Variants in CSMD1 observed in about 807,000 individuals in gnomAD.
CSMD1 encodes the protein CUB and Sushi multiple domains 1, also known as CUB and sushi domain-containing protein 1.
In CSMD1, 213 loss-of-function variants were observed where a neutral mutation model predicts 417.5. That is an observed-to-expected ratio of 0.51 (90% CI 0.46 to 0.57). CSMD1 has a LOEUF of 0.57. Ranked by LOEUF, CSMD1 falls within the 20% of genes least tolerant of loss-of-function variation. CSMD1 has a pLI of 0.00. For synonymous variants in CSMD1, 2,862 were observed against 1,736.8 expected (o/e 1.65, Z -16.11); for missense variants, 6,923 against 4,529.7 (o/e 1.53, Z -15.17).
chr8:4,826,580 C>T (rs1036258490), intron 1 of CSMD1, among the ~76,000 whole-genome samples: 1 of 152,068 alleles, frequency 6.6e-6, no homozygotes, highest in Non-Finnish European at 1.5e-5. Context: ...GTTGGGATGT[C>T]CACCTTAAAC....
intron 15 of CSMD1, 80 bp from the exon 16 acceptor site, chr8:3,399,609 A>C (rs1172269210): frequency 9.1e-7 from 1 of 1,099,680 alleles, no homozygotes; most frequent in Non-Finnish European, 1.2e-6. Flanking sequence ...AAAAGCCAGA[A>C]TCTGCTTCTG....
chr8:3,046,173 G>T (rs1456449498), intron 50 of CSMD1, among the ~76,000 whole-genome samples: 2 of 152,204 alleles, frequency 1.3e-5, no homozygotes, highest in Non-Finnish European at 2.9e-5. Flanking sequence ...CACAAAGTCA[G>T]TCTGGCTGTT....
chr8:4,041,957 T>C (rs1368167370), intron 3 of CSMD1, among the ~76,000 whole-genome samples: 1 of 151,796 alleles, frequency 6.6e-6, no homozygotes, highest in Non-Finnish European at 1.5e-5. Flanking sequence ...GTATTTAAAA[T>C]GAAACATAAA....
intron 10 of CSMD1, among the ~76,000 whole-genome samples, chr8:3,546,245 G>A (rs1165627261): frequency 2.7e-5 from 4 of 150,132 alleles, no homozygotes; most frequent in Non-Finnish European, 2.9e-5. Flanking sequence ...CTCAATGGCT[G>A]GCCACGTGAA....
intron 6 of CSMD1, among the ~76,000 whole-genome samples, chr8:3,710,853 A>C (rs1392646851): frequency 1.3e-5 from 2 of 152,110 alleles, no homozygotes; most frequent in African/African-American, 4.8e-5. Context: ...TTCCAGCCCC[A>C]AACTCCAAAC....
At position 3,587,059 on chromosome 8, in the gene CSMD1, C is replaced by A. The variant is rs1232058764; in HGVS notation, c.1098-799G>T. On this transcript the variant is annotated intron_variant, in intron 8 of 69. Transcript: ENST00000635120. Reference sequence around the variant, plus strand: ...AAGTGATTCACCTGCCTCAGCCTCTCAAAATGCTAGGATTACAGGCGTGAG... The same window carrying A: ...AAGTGATTCACCTGCCTCAGCCTCTAAAAATGCTAGGATTACAGGCGTGAG... 2.0e-5 allele frequency among the ~76,000 whole-genome samples: 3 copies of A among 152,200 alleles called. No homozygotes were observed. The East Asian group carries it at 5.8e-4, about 29-fold the overall frequency.
intron 10 of CSMD1, among the ~76,000 whole-genome samples, chr8:3,529,106 G>C (rs1023057583): frequency 6.6e-6 from 1 of 152,136 alleles, no homozygotes; most frequent in Non-Finnish European, 1.5e-5. Flanking sequence ...TCTTTGAAAA[G>C]TGAACTAATC....
At chr8:4,572,290 G>C (rs944587298) in intron 2 of CSMD1, among the ~76,000 whole-genome samples, 5 of 152,100 alleles carry the variant, frequency 3.3e-5, no homozygotes, top group Non-Finnish European at 7.3e-5. Flanking sequence ...CTTCCTTCAG[G>C]AGCTCTTATA....
intron 8 of CSMD1, among the ~76,000 whole-genome samples, chr8:3,592,490 T>G (rs1335393216): frequency 6.6e-6 from 1 of 152,174 alleles, no homozygotes; most frequent in Non-Finnish European, 1.5e-5. Flanking sequence ...AAGCCTGGAT[T>G]TGCCATATTT....
chr8:3,418,907 G>A (rs270085), intron 12 of CSMD1, among the ~76,000 whole-genome samples: 137,925 of 152,248 alleles, frequency 0.91, 62,604 homozygotes, highest in Middle Eastern at 0.95. Context: ...GTAGTAATGA[G>A]AAGCACCTCA....
intron 6 of CSMD1, among the ~76,000 whole-genome samples, chr8:3,728,110 T>C (rs1382941003): frequency 6.6e-6 from 1 of 152,162 alleles, no homozygotes; most frequent in Admixed American, 6.5e-5. Context: ...GTAGCTCCCA[T>C]AATTCCCACG....
At chr8:3,334,468 A>C (rs146041244) in intron 23 of CSMD1, among the ~76,000 whole-genome samples, 2,058 of 152,264 alleles carry the variant, frequency 0.014, 40 homozygotes, top group African/African-American at 0.047. Context: ...TTTTATTTTC[A>C]AAGCCACTCT....
At chr8:4,188,355 G>A (rs1798807328) in intron 3 of CSMD1, among the ~76,000 whole-genome samples, 2 of 152,120 alleles carry the variant, frequency 1.3e-5, no homozygotes, top group East Asian at 3.9e-4. Context: ...AAACCGAGGT[G>A]CCTTCATTCA....
At chr8:3,354,928 GAT>G (rs1491487696) in intron 21 of CSMD1, among the ~76,000 whole-genome samples, 6 of 150,602 alleles carry the variant, frequency 4.0e-5, no homozygotes, top group African/African-American at 1.2e-4. Flanking sequence ...TCTATCTATA[GAT>G]ATAGATATAT....
At chr8:4,453,818 T>G (rs374176042) in intron 2 of CSMD1, among the ~76,000 whole-genome samples, 4 of 113,636 alleles carry the variant, frequency 3.5e-5, no homozygotes, top group African/African-American at 1.2e-4. Flanking sequence ...TCGTTTCTTT[T>G]TTTTTTTTTT....
chr8:4,701,281 T>C (rs1807522821), intron 1 of CSMD1, among the ~76,000 whole-genome samples: 1 of 151,362 alleles, frequency 6.6e-6, no homozygotes. Context: ...ATAAGTCAAC[T>C]TCGAAGGCTG....
intron 7 of CSMD1, among the ~76,000 whole-genome samples, chr8:3,684,423 C>A (rs1477659925): frequency 6.7e-6 from 1 of 148,996 alleles, no homozygotes; most frequent in Non-Finnish European, 1.5e-5. Context: ...ATATTTTTTT[C>A]ATCTGCATGA....
intron 2 of CSMD1, among the ~76,000 whole-genome samples, chr8:4,529,795 C>A (rs1012087991): frequency 2.0e-5 from 3 of 151,388 alleles, no homozygotes; most frequent in African/African-American, 7.3e-5. Context: ...CGTAGAAAAT[C>A]TTTAGGTACA....
At chr8:4,205,148 A>C (rs1426168608) in intron 3 of CSMD1, among the ~76,000 whole-genome samples, 1 of 152,148 alleles carries the variant, frequency 6.6e-6, no homozygotes. Flanking sequence ...GTTGAATGAA[A>C]TTGTTCTTAG....
Sources: gnomAD v4.1 joint callset for allele counts (sites outside exome capture counted in the v4.1 genomes callset) on GRCh38, gnomAD v4.1.1 for gene constraint, MANE v1.5 for transcripts, NCBI Gene and HGNC (gene_info 2026-07-23, HGNC 2026-07-21) for gene names.